TMX3: variants seen among roughly 807,000 people sequenced by gnomAD.
TMX3 encodes thioredoxin related transmembrane protein 3, also known as protein disulfide-isomerase TMX3.
A neutral mutation model predicts 64.4 loss-of-function variants in TMX3; 40 were observed. That is an observed-to-expected ratio of 0.62 (90% CI 0.48 to 0.81). The LOEUF (loss-of-function observed/expected upper bound fraction) is 0.81, where lower values mean the gene tolerates loss of function less well. Ranked by LOEUF, TMX3 falls within the 30% of genes least tolerant of loss-of-function variation. TMX3 has a pLI of 0.00. For synonymous variants in TMX3, 189 were observed against 175.7 expected (o/e 1.08, Z -0.60); for missense variants, 497 against 534.5 (o/e 0.93, Z 0.69).
At chr18:68,687,926 A>G (rs944274898) in intron 9 of TMX3, 161 bp from the exon 10 acceptor site, 2 of 451,272 alleles carry the variant, frequency 4.4e-6, no homozygotes, top group Non-Finnish European at 7.7e-6. Flanking sequence ...AAATGTACAG[A>G]AGGATTAATG....
intron 9 of TMX3, chr18:68,690,921 C>T (rs1392691845): frequency 5.1e-6 from 1 of 195,174 alleles, no homozygotes; most frequent in African/African-American, 2.3e-5. Flanking sequence ...GAGGGATACA[C>T]AGGGGCTTCA....
intron 8 of TMX3, 78 bp from the exon 9 acceptor site, chr18:68,691,439 G>T: frequency 1.1e-6 from 1 of 945,720 alleles, no homozygotes; most frequent in Non-Finnish European, 1.5e-6. Flanking sequence ...AAAGTCTTGA[G>T]ATACCAGAAA....
chr18:68,711,913 A>G (rs2031318178), intron 2 of TMX3, among the ~76,000 whole-genome samples: 1 of 152,128 alleles, frequency 6.6e-6, no homozygotes, highest in African/African-American at 2.4e-5. Flanking sequence ...TCCCCTGAAG[A>G]TGTGCAGTCC....
chr18:68,691,378 GT>G lies in TMX3; in HGVS notation c.571-18del, dbSNP rs1568186904. ...TGTCACATACTGCAAAAAATCAGAAGTTTAAATAACTTTTATCACTAAAAAA... is the reference window on the plus strand; with the variant it reads ...TGTCACATACTGCAAAAAATCAGAAGTTAAATAACTTTTATCACTAAAAAA... On this transcript the variant is annotated intron_variant, in intron 8 of 15. Coordinates refer to ENST00000299608, the MANE Select transcript of TMX3 (RefSeq NM_019022.5). The G allele has an allele frequency of 6.9e-7, 1 of 1,454,592 alleles. No individual in the cohort carries two copies. Among genetic ancestry groups the G allele is most frequent in the Non-Finnish European group, 9.2e-7 (1 of 1,089,536 alleles). The allele number at this position is 1,454,592 out of a possible 1,614,324, so 90.1% of individuals were successfully genotyped here.
At chr18:68,694,035 G>T (rs1207019282) in intron 8 of TMX3, among the ~76,000 whole-genome samples, 4 of 152,142 alleles carry the variant, frequency 2.6e-5, no homozygotes, top group Non-Finnish European at 5.9e-5. Flanking sequence ...CTATTCTGTT[G>T]CTCAATGAAG....
chr18:68,691,970 G>C (rs1303645513), intron 8 of TMX3, among the ~76,000 whole-genome samples: 1 of 152,128 alleles, frequency 6.6e-6, no homozygotes, highest in Admixed American at 6.6e-5. Context: ...ACATGAGCAT[G>C]TTAATACTGA....
intron 3 of TMX3, among the ~76,000 whole-genome samples, chr18:68,710,425 T>A (rs1213349009): frequency 6.6e-6 from 1 of 152,198 alleles, no homozygotes; most frequent in East Asian, 1.9e-4. Flanking sequence ...ATGTCTTTAC[T>A]TCCAAGGAAA....
chr18:68,681,440 G>A (rs909780199), intron 13 of TMX3: 4 of 979,504 alleles, frequency 4.1e-6, no homozygotes, highest in African/African-American at 1.7e-5. Context: ...GTTGTTCAAC[G>A]GTCAACAGTC....
intron 7 of TMX3, chr18:68,697,555 ATTCAT>A: frequency 2.9e-6 from 1 of 348,576 alleles, no homozygotes; most frequent in East Asian, 4.6e-5. Context: ...ATTTGTATGT[ATTCAT>A]TTAATTATAA....
Position 68,714,940 on chromosome 18 carries a change from G to A in TMX3, c.42C>T (p.Ala14=), listed in dbSNP as rs1330633859. The change falls in exon 1 of 16, where the codon GCC becomes GCT. Residue 14 remains alanine, a synonymous_variant. Coordinates refer to ENST00000299608, the MANE Select transcript of TMX3 (RefSeq NM_019022.5). ...WKSWTALRLC[A]TVVVLDMVVC... Reference sequence around the variant, plus strand: ...CGACCGCTGAGCCCCCATTACCTGTGGCGCAGAGCCGCAGGGCCGTCCAAC... The same window carrying A: ...CGACCGCTGAGCCCCCATTACCTGTAGCGCAGAGCCGCAGGGCCGTCCAAC... 6.4e-7 allele frequency: 1 copy of A among 1,566,856 alleles called. No homozygotes were observed. The highest frequency in any genetic ancestry group is 1.4e-5 in the African/African-American group (1 of 73,574).
intron 14 of TMX3, 39 bp downstream of exon 14, chr18:68,680,942 C>T: frequency 6.6e-7 from 1 of 1,525,732 alleles, no homozygotes; most frequent in South Asian, 1.4e-5. Context: ...CCTCTACCCC[C>T]TGTCCATCAT....
chr18:68,679,691 CTG>C (rs1913238442), intron 14 of TMX3, 160 bp from the exon 15 acceptor site: 1 of 586,686 alleles, frequency 1.7e-6, no homozygotes, highest in African/African-American at 1.9e-5. Context: ...TGTTTTTTGT[CTG>C]TGTCATGTCC....
rs896906534 is a variant in TMX3 at position 68,673,961 on chromosome 18, G to A, written c.*2972C>T. The A allele has an allele frequency of 6.6e-6, 1 of 152,106 alleles. No individual in the cohort carries two copies. Among genetic ancestry groups the A allele is most frequent in the Non-Finnish European group, 1.5e-5 (1 of 68,020 alleles). The allele number at this position is 152,106 out of a possible 1,614,324, so 9.4% of individuals were successfully genotyped here. A position where few individuals can be genotyped will look rare whatever the true frequency, so the allele number is the denominator to read the frequency against. ...TTTGATCATTTAATGCATAAGGAGT[G>A]TTGAATGATTTTTCCCTGTCCTAAC... On this transcript the variant is annotated 3_prime_UTR_variant, in exon 16 of 16. Coordinates refer to ENST00000299608, the MANE Select transcript of TMX3 (RefSeq NM_019022.5).
chr18:68,697,916 T>TA lies in TMX3; in HGVS notation c.492+15dup, dbSNP rs760693974. On this transcript the variant is annotated intron_variant, in intron 7 of 15. Transcript: ENST00000299608. ...TTACAATACATCTGTTTTTGTGGAT[T>TA]AAAAAAAAGTCTTACTTTCAAAGGT... 2.4e-5 allele frequency: 37 copies of TA among 1,536,978 alleles called. No homozygotes were observed. The highest frequency in any genetic ancestry group is 4.1e-5 in the African/African-American group (3 of 73,012).
chr18:68,701,651 A>G (rs773881122), intron 5 of TMX3, 94 bp downstream of exon 5: 2 of 1,575,424 alleles, frequency 1.3e-6, no homozygotes, highest in East Asian at 2.3e-5. Context: ...CCAATCTTCA[A>G]TCCTCCAGGG....
chr18:68,681,006 T>C lies in TMX3; in HGVS notation c.1010A>G (p.Asn337Ser), dbSNP rs188232683. ...TTCTACTGTGCCATCCAAAATGTTATTAATAAACTGGACCATGTCTTCAAC... is the reference window on the plus strand; with the variant it reads ...TTCTACTGTGCCATCCAAAATGTTACTAATAAACTGGACCATGTCTTCAAC... Reference protein sequence around the residue: ...KNVEDMVQFINNILDGTVEAQ... With the variant: ...KNVEDMVQFISNILDGTVEAQ... Residue 337 changes from asparagine (N) to serine (S), a missense_variant, in exon 14 of 16, where the codon AAT becomes AGT. By Grantham distance (46) the Asn-to-Ser change is conservative. This residue lies in a region of TMX3 where 43 missense variants were observed against 75.3 expected (regional missense o/e 0.57). Transcript: ENST00000299608. 2 of 1,596,488 alleles carry C rather than the reference T, an allele frequency of 1.3e-6. No individual in the cohort carries two copies.
chr18:68,701,071 G>A, intron 5 of TMX3: 1 of 946,972 alleles, frequency 1.1e-6, no homozygotes, highest in Non-Finnish European at 1.3e-6. Context: ...CAATTAAACA[G>A]AAGGAAACGA....
In TMX3 at chr18:68,684,460, A is replaced by G. The variant is rs751643312; in HGVS notation, c.762T>C (p.Ile254=). ...DTGKLVALAV[I]DEKNTSVEHT... ...GTTCAACTGATGTATTTTTCTCATC[A>G]ATAACTGCAAGAGCCACAAGCTTTC... Residue 254 remains isoleucine, a synonymous_variant, in exon 11 of 16, where the codon ATT becomes ATC. Coordinates refer to ENST00000299608, the MANE Select transcript of TMX3 (RefSeq NM_019022.5). The G allele has an allele frequency of 6.2e-7, 1 of 1,613,094 alleles. No individual in the cohort carries two copies.
At chr18:68,708,008 T>C (rs546111943) in intron 4 of TMX3, among the ~76,000 whole-genome samples, 2 of 146,832 alleles carry the variant, frequency 1.4e-5, no homozygotes, top group South Asian at 2.1e-4. Context: ...TATATATATG[T>C]GTATATGTGT....
Sources: allele counts gnomAD v4.1 joint callset (sites outside exome capture counted in the v4.1 genomes callset), GRCh38; gene constraint gnomAD v4.1.1; regional missense constraint gnomAD v4.1.1; transcripts MANE v1.5; gene names NCBI Gene and HGNC (gene_info 2026-07-23, HGNC 2026-07-21).